SGCG: variants seen among roughly 807,000 people sequenced by gnomAD.
SGCG encodes the protein gamma-sarcoglycan.
SGCG carries 26 observed loss-of-function variants against 29.3 expected under a neutral mutation model. That is an observed-to-expected ratio of 0.89 (90% CI 0.65 to 1.23). The LOEUF is 1.23. Ranked by LOEUF, SGCG falls within the 50% of genes most tolerant of loss-of-function variation. The pLI, the probability that SGCG is intolerant of heterozygous loss-of-function variation, is 0.00. For synonymous variants in SGCG, 145 were observed against 129.7 expected, an observed-to-expected ratio of 1.12 and a Z score of -0.80; for missense variants, 353 against 356.0, an observed-to-expected ratio of 0.99 and a Z score of 0.07.
At chr13:23,200,412 G>A (rs1877695059) in intron 1 of SGCG, among the ~76,000 whole-genome samples, 1 of 152,136 alleles carries the variant, frequency 6.6e-6, no homozygotes, top group African/African-American at 2.4e-5. Flanking sequence ...AACAGAGCAA[G>A]AATCTGTTTC....
At chr13:23,285,619 G>A (rs1566031456) in intron 5 of SGCG, among the ~76,000 whole-genome samples, 1 of 152,118 alleles carries the variant, frequency 6.6e-6, no homozygotes, top group Non-Finnish European at 1.5e-5. Flanking sequence ...AGAATGAATG[G>A]TTCTGTCTTG....
Position 23,195,959 on chromosome 13 carries a change from G to C in SGCG, c.1-7736G>C, listed in dbSNP as rs146329588. The stretch of plus-strand genomic sequence containing the variant: ...TTGAAAAAATACAAAAGAAATTTGG[G>C]AAATACTATTTTAAATGAAAAAAGG... On this transcript the variant is annotated intron_variant, in intron 1 of 7. Coordinates refer to ENST00000218867, the MANE Select transcript of SGCG (RefSeq NM_000231.3). Among the ~76,000 whole-genome samples the C allele has an allele frequency of 6.3e-3, 951 of 151,820 alleles. 10 individuals carry two copies. The highest frequency in any genetic ancestry group is 0.022 in the African/African-American group (907 of 41,452).
At chr13:23,242,526 T>C (rs541416713) in intron 3 of SGCG, among the ~76,000 whole-genome samples, 1 of 152,186 alleles carries the variant, frequency 6.6e-6, no homozygotes, top group Non-Finnish European at 1.5e-5. Flanking sequence ...TTTCACCTAC[T>C]CCCTAAGGTG....
At chr13:23,219,326 C>A (rs865794071) in intron 2 of SGCG, among the ~76,000 whole-genome samples, 3 of 152,082 alleles carry the variant, frequency 2.0e-5, no homozygotes, top group South Asian at 2.1e-4. Context: ...GGATTACAGG[C>A]GTGAGCCACC....
chr13:23,204,770 A>G (rs994455728), intron 2 of SGCG, among the ~76,000 whole-genome samples: 4 of 144,406 alleles, frequency 2.8e-5, no homozygotes, highest in African/African-American at 7.8e-5. Context: ...CAGTGGTGCA[A>G]TCTTGGCTCA....
the SGCG span, among the ~76,000 whole-genome samples, chr13:23,174,677 T>C: frequency 1.3e-5 from 2 of 152,170 alleles, no homozygotes; most frequent in Admixed American, 6.5e-5. Context: ...TATGAAGCAA[T>C]TAAAATATTC....
intron 1 of SGCG, among the ~76,000 whole-genome samples, chr13:23,182,569 A>G (rs1876785070): frequency 6.6e-6 from 1 of 152,082 alleles, no homozygotes; most frequent in Non-Finnish European, 1.5e-5. Flanking sequence ...TGAGGATTGC[A>G]GGATCCATCA....
intron 6 of SGCG, among the ~76,000 whole-genome samples, chr13:23,319,454 G>A (rs1882953301): frequency 1.3e-5 from 2 of 152,188 alleles, no homozygotes; most frequent in Non-Finnish European, 1.5e-5. Flanking sequence ...AAAATGTGGG[G>A]CAGGTCAAAC....
the SGCG span, among the ~76,000 whole-genome samples, chr13:23,162,277 G>T: frequency 6.6e-6 from 1 of 152,114 alleles, no homozygotes; most frequent in Non-Finnish European, 1.5e-5. Context: ...CTTAGGAATG[G>T]TTTTTTATTA....
intron 4 of SGCG, among the ~76,000 whole-genome samples, chr13:23,278,455 A>C (rs1238864481): frequency 6.6e-6 from 1 of 152,054 alleles, no homozygotes; most frequent in African/African-American, 2.4e-5. Context: ...AAAAAAAAAA[A>C]AAAAAGAATA....
At chr13:23,251,152 A>G (rs1381368218) in intron 4 of SGCG, among the ~76,000 whole-genome samples, 1 of 152,040 alleles carries the variant, frequency 6.6e-6, no homozygotes, top group Non-Finnish European at 1.5e-5. Flanking sequence ...TTTCCAGTTT[A>G]TCTTTGCCAC....
At chr13:23,243,722 G>A (rs1879595356) in intron 3 of SGCG, 2 of 152,154 alleles carry the variant, frequency 1.3e-5, no homozygotes, top group South Asian at 4.1e-4. Context: ...GTCATCTGCA[G>A]CTGTGTGTGG....
chr13:23,254,843 A>T (rs1880115425), intron 4 of SGCG, among the ~76,000 whole-genome samples: 1 of 152,246 alleles, frequency 6.6e-6, no homozygotes, highest in Non-Finnish European at 1.5e-5. Context: ...TACTCAGGCC[A>T]TCGCTGTGGA....
chr13:23,249,497 A>G (rs1190280241), intron 3 of SGCG, among the ~76,000 whole-genome samples: 1 of 152,226 alleles, frequency 6.6e-6, no homozygotes, highest in Non-Finnish European at 1.5e-5. Context: ...TTTTATTCAT[A>G]TCTAACTTCA....
chr13:23,320,889 C>T (rs1883011716), intron 7 of SGCG, 129 bp downstream of exon 7: 1 of 971,352 alleles, frequency 1.0e-6, no homozygotes, highest in Non-Finnish European at 1.6e-6. Context: ...CATAGAGTAG[C>T]AAATGTACAA....
Position 23,299,445 on chromosome 13 carries a change from TATA to T in SGCG, c.578+3959_578+3961del, listed in dbSNP as rs1321750934. Among the ~76,000 whole-genome samples the T allele has an allele frequency of 8.3e-3, 205 of 24,738 alleles. 23 individuals carry two copies. Among genetic ancestry groups the T allele is most frequent in the South Asian group, 0.024 (14 of 590 alleles). The allele number at this position is 24,738 out of a possible 152,430, so 16.2% of individuals were successfully genotyped here. ...ATATATATATATATATATATATATATATATATATATATTTTTTTTTTTTTTTTA... is the reference window on the plus strand; with the variant it reads ...ATATATATATATATATATATATATATTATATATATTTTTTTTTTTTTTTTA... On this transcript the variant is annotated intron_variant, in intron 6 of 7. Transcript: ENST00000218867.
chr13:23,240,438 T>C (rs1304265634), intron 3 of SGCG, among the ~76,000 whole-genome samples: 1 of 152,210 alleles, frequency 6.6e-6, no homozygotes. Flanking sequence ...ACAGTAAGCA[T>C]ATAGACTTGA....
the SGCG span, among the ~76,000 whole-genome samples, chr13:23,162,298 T>C: frequency 1.3e-5 from 2 of 152,182 alleles, no homozygotes; most frequent in Non-Finnish European, 2.9e-5. Flanking sequence ...TTTGTCAGAC[T>C]CTCACTTGAT....
intron 2 of SGCG, chr13:23,217,538 A>G (rs1327364661): frequency 6.6e-6 from 1 of 152,080 alleles, no homozygotes; most frequent in Non-Finnish European, 1.5e-5. Flanking sequence ...TGAACATAAC[A>G]TCTGAGAATT....
Sources: allele counts gnomAD v4.1 joint callset (sites outside exome capture counted in the v4.1 genomes callset), GRCh38; gene constraint gnomAD v4.1.1; transcripts MANE v1.5; gene names NCBI Gene and HGNC (gene_info 2026-07-23, HGNC 2026-07-21).